The following NECTIN1 variants were observed in gnomAD, a reference collection of about 807,000 sequenced individuals.
NECTIN1 encodes nectin cell adhesion molecule 1, also known as nectin-1.
A neutral mutation model predicts 48.0 loss-of-function variants in NECTIN1; 23 were observed. That is an observed-to-expected ratio of 0.48 (90% confidence interval 0.34 to 0.68). The LOEUF is 0.68. Among genes scored for constraint, NECTIN1 ranks in the 30% least tolerant of loss-of-function variants. The pLI is 0.01. For missense variants in NECTIN1, 591 were observed against 709.9 expected, an observed-to-expected ratio of 0.83 and a Z score of 1.90; for synonymous variants, 270 against 288.9, an observed-to-expected ratio of 0.93 and a Z score of 0.66.
rs11217371 is a variant in NECTIN1, at chr11:119,646,739, C to T, written c.1004-6727G>A. The stretch of plus-strand genomic sequence containing the variant: ...CCATTTTCATGCCCCCCACTGCCTC[C>T]ATCTCTCAGTTTATCTGCAGAGGAA... On this transcript the variant is annotated intron_variant, in intron 5 of 7. Transcript: ENST00000341398. Among the ~76,000 whole-genome samples, 1,365 of 152,326 alleles carry T rather than the reference C, an allele frequency of 9.0e-3. 8 individuals are homozygous for T. Among genetic ancestry groups the T allele is most frequent in the South Asian group, 0.019 (93 of 4,832 alleles).
At chr11:119,724,700 C>T (rs1170518417) in intron 1 of NECTIN1, among the ~76,000 whole-genome samples, 1 of 152,236 alleles carries the variant, frequency 6.6e-6, no homozygotes, top group Non-Finnish European at 1.5e-5. Flanking sequence ...CCCACAGACA[C>T]AAGCACATAC....
chr11:119,700,526 T>C (rs767114371), intron 1 of NECTIN1, among the ~76,000 whole-genome samples: 31 of 152,170 alleles, frequency 2.0e-4, no homozygotes, highest in Non-Finnish European at 4.1e-4. Context: ...TCTGGGGGTC[T>C]CTGCTCTGCA....
intron 5 of NECTIN1, chr11:119,642,806 A>G (rs1864346121): frequency 6.5e-6 from 1 of 153,712 alleles, no homozygotes; most frequent in South Asian, 2.1e-4. Context: ...TACCTGGTAC[A>G]ATGTAAATGC....
At position 119,651,019 on chromosome 11, in the gene NECTIN1, A is replaced by C. The variant is rs147449739; in HGVS notation, c.1004-11007T>G. Reference sequence around the variant, plus strand: ...ATCTTTGAGGTTCCATCAGGTTCCAAAGGTCTGTAATTCTTGGATAGGTAG... The same window carrying C: ...ATCTTTGAGGTTCCATCAGGTTCCACAGGTCTGTAATTCTTGGATAGGTAG... On this transcript the variant is annotated intron_variant, in intron 5 of 7. Transcript: ENST00000341398. Among the ~76,000 whole-genome samples the C allele has an allele frequency of 3.9e-5, 6 of 152,286 alleles. No homozygotes were observed. The East Asian group carries it at 1.2e-3, about 29-fold the overall frequency.
intron 5 of NECTIN1, among the ~76,000 whole-genome samples, chr11:119,646,564 T>C (rs768662414): frequency 2.0e-5 from 3 of 152,140 alleles, no homozygotes; most frequent in Non-Finnish European, 2.9e-5. Flanking sequence ...TTAAATTATT[T>C]TATTTGATGC....
chr11:119,702,751 TATAAGCA>T (rs1281389406), intron 1 of NECTIN1, among the ~76,000 whole-genome samples: 3 of 152,222 alleles, frequency 2.0e-5, no homozygotes, highest in Non-Finnish European at 4.4e-5. Context: ...AATAAAGCTC[TATAAGCA>T]AAGCCCTGAG....
intron 5 of NECTIN1, among the ~76,000 whole-genome samples, chr11:119,671,402 C>G (rs1864860181): frequency 6.6e-6 from 1 of 152,074 alleles, no homozygotes; most frequent in Admixed American, 6.6e-5. Context: ...CTTCTGGGGT[C>G]CCTGGCTGGC....
rs1865929428 is a variant in NECTIN1, at chr11:119,727,513, A to G, written c.79+962T>C. ...TGTCCAGTCAGCCGGCGAGCTCGGC[A>G]GCTTCCCCAGGGACACAAAGGGTTA... is the stretch of plus-strand genomic sequence containing the variant. On this transcript the variant is annotated intron_variant, in intron 1 of 5. Transcript: ENST00000264025. This position sits in a 1 kb window ranked among gnomAD's most constrained non-coding sequence, Gnocchi z 4.1. 6.6e-6 allele frequency among the ~76,000 whole-genome samples: 1 copy of G among 152,170 alleles called. No individual in the cohort carries two copies. The highest frequency in any genetic ancestry group is 6.5e-5 in the Admixed American group (1 of 15,290).
intron 1 of NECTIN1, among the ~76,000 whole-genome samples, chr11:119,708,889 C>T (rs747892257): frequency 5.3e-5 from 8 of 152,096 alleles, no homozygotes; most frequent in African/African-American, 1.7e-4. Context: ...CACCCCCAAG[C>T]GTGGGGGCCC....
downstream of NECTIN1, among the ~76,000 whole-genome samples, chr11:119,656,058 A>G (rs1864567835): frequency 6.6e-6 from 1 of 151,652 alleles, no homozygotes; most frequent in Non-Finnish European, 1.5e-5. Flanking sequence ...CCACACCTGG[A>G]TAATTTTTTC....
intron 1 of NECTIN1, among the ~76,000 whole-genome samples, chr11:119,722,011 C>G (rs1865839777): frequency 6.6e-6 from 1 of 152,178 alleles, no homozygotes; most frequent in Non-Finnish European, 1.5e-5. Context: ...GGAGGACCGT[C>G]CCATGGACAC....
chr11:119,643,667 C>T (rs773077800), intron 5 of NECTIN1, among the ~76,000 whole-genome samples: 3 of 152,234 alleles, frequency 2.0e-5, no homozygotes, highest in Admixed American at 6.5e-5. Context: ...CTGGTGCTGG[C>T]CCCAGCCAGA....
chr11:119,667,988 C>T (rs1474685332), intron 5 of NECTIN1, among the ~76,000 whole-genome samples: 1 of 152,186 alleles, frequency 6.6e-6, no homozygotes, highest in Non-Finnish European at 1.5e-5. Flanking sequence ...CCTTCTCGTG[C>T]ACACTGTGAA....
intron 1 of NECTIN1, among the ~76,000 whole-genome samples, chr11:119,722,783 A>G (rs1439140966): frequency 6.6e-6 from 1 of 152,224 alleles, no homozygotes; most frequent in Non-Finnish European, 1.5e-5. Flanking sequence ...TCAAGGGAAC[A>G]CGAGTAGCAG....
At chr11:119,686,912 C>G (rs1037264630) in intron 1 of NECTIN1, among the ~76,000 whole-genome samples, 1 of 152,188 alleles carries the variant, frequency 6.6e-6, no homozygotes, top group African/African-American at 2.4e-5. Context: ...GTGCCTGGCA[C>G]ATGGGAAACA....
chr11:119,671,771 G>A (rs1009959398), intron 5 of NECTIN1, among the ~76,000 whole-genome samples: 6 of 152,278 alleles, frequency 3.9e-5, no homozygotes, highest in African/African-American at 7.2e-5. Context: ...GCTGTGCCTC[G>A]TGTCAGACCA....
At chr11:119,646,916 T>C (rs556081763) in intron 5 of NECTIN1, among the ~76,000 whole-genome samples, 17 of 152,326 alleles carry the variant, frequency 1.1e-4, no homozygotes, top group African/African-American at 4.1e-4. Flanking sequence ...TGTTAAAGCA[T>C]AGTGGCTGTG....
intron 1 of NECTIN1, among the ~76,000 whole-genome samples, chr11:119,688,217 G>A (rs1865192866): frequency 2.0e-5 from 3 of 152,180 alleles, no homozygotes; most frequent in Admixed American, 2.0e-4. Flanking sequence ...AGGATCCAAT[G>A]AAATAATTCA....
chr11:119,650,393 C>T (rs1184999837), intron 5 of NECTIN1, among the ~76,000 whole-genome samples: 7 of 152,212 alleles, frequency 4.6e-5, no homozygotes, highest in Non-Finnish European at 1.0e-4. Context: ...AGCATCTTTT[C>T]CAGGAAGTCT....
Sources: gnomAD v4.1 joint callset for allele counts (sites outside exome capture counted in the v4.1 genomes callset) on GRCh38, gnomAD v4.1.1 for gene constraint, Gnocchi (gnomAD v3.1) non-coding constraint, MANE v1.5 for transcripts, NCBI Gene and HGNC (gene_info 2026-07-23, HGNC 2026-07-21) for gene names.